AMT: variants seen among roughly 807,000 people sequenced by gnomAD.
AMT encodes aminomethyltransferase.
AMT carries 24 observed loss-of-function variants against 39.5 expected under a neutral mutation model. The observed-to-expected ratio is 0.61, with a 90% CI of 0.44 to 0.86. The LOEUF is 0.86. Among genes scored for constraint, AMT ranks in the 40% least tolerant of loss-of-function variants. The probability of loss-of-function intolerance (pLI) is 0.00; values close to 1 mark genes in which losing one functional copy is unlikely to be tolerated. For missense variants in AMT, 501 were observed against 537.0 expected (o/e 0.93, Z 0.66); for synonymous variants, 210 against 212.1 (o/e 0.99, Z 0.09).
Position 49,421,529 on chromosome 3 carries a change from A to G in AMT, c.302T>C (p.Leu101Pro). 1 of 1,614,176 alleles carries G rather than the reference A, an allele frequency of 6.2e-7. No individual in the cohort carries two copies. Among genetic ancestry groups the G allele is most frequent in the Non-Finnish European group, 8.5e-7 (1 of 1,180,030 alleles). The change falls in exon 3 of 9, where the codon CTA (leucine) becomes CCA (proline). Residue 101 changes from leucine (L) to proline (P), a missense_variant. Physicochemically the swap from Leu to Pro is moderately conservative, Grantham distance 98. Transcript: ENST00000273588. ...TAGCTCTGCAATGTCTCCAACCACT[A>G]GACTCTCCATCAGCTTCACCCGGTC... ...GSDRVKLMES[L>P]VVGDIAELRP...
At position 49,417,234 on chromosome 3, in the gene AMT, C is replaced by A; in HGVS notation, c.*306G>T. 6.4e-7 allele frequency: 1 copy of A among 1,572,566 alleles called. No homozygotes were observed. The highest frequency in any genetic ancestry group is 2.2e-5 in the East Asian group (1 of 44,710). On this transcript the variant is annotated 3_prime_UTR_variant, in exon 9 of 9. Coordinates refer to ENST00000273588, the MANE Select transcript of AMT (RefSeq NM_000481.4). ...CCTTTGCTCCACAGCCAGCACCTGGCAGAGTGGGAGAGATGGCAGAACCAA... is the reference window on the plus strand; with the variant it reads ...CCTTTGCTCCACAGCCAGCACCTGGAAGAGTGGGAGAGATGGCAGAACCAA...
At chr3:49,421,164 C>T in intron 3 of AMT, 1 of 362,452 alleles carries the variant, frequency 2.8e-6, no homozygotes, top group Non-Finnish European at 5.3e-6. Context: ...CTTGGCCTCC[C>T]CAAGTGCCAG....
At chr3:49,418,080 T>A (rs369920318) in intron 7 of AMT, 107 bp from the exon 8 acceptor site, 161 of 1,401,024 alleles carry the variant, frequency 1.1e-4, no homozygotes, top group Admixed American at 4.9e-4. Flanking sequence ...AAGGCCCCTT[T>A]GCTTGGGCTA....
At chr3:49,420,180 A>G in intron 4 of AMT, 31 bp downstream of exon 4, 1 of 1,614,062 alleles carries the variant, frequency 6.2e-7, no homozygotes, top group African/African-American at 1.3e-5. Flanking sequence ...AACAAGGAAG[A>G]CAAGGTGTCT....
Position 49,422,177 on chromosome 3 carries a change from C to A in AMT, c.185G>T (p.Arg62Leu). 1 of 1,613,978 alleles carries A rather than the reference C, an allele frequency of 6.2e-7. No homozygotes were observed. Among genetic ancestry groups the A allele is most frequent in the Non-Finnish European group, 8.5e-7 (1 of 1,180,028 alleles). ...FAGWSLPVQY[R>L]DSHTDSHLHT... The stretch of plus-strand genomic sequence containing the variant: ...CAGGTGCGAGTCAGTGTGACTGTCC[C>A]GGTACTGCACTGGCAGACTCCAACC... Residue 62 changes from arginine (R) to leucine (L), a missense_variant, in exon 2 of 9, where the codon CGG (arginine) becomes CTG (leucine). Coordinates refer to ENST00000273588, the MANE Select transcript of AMT (RefSeq NM_000481.4).
intron 4 of AMT, 35 bp from the exon 5 acceptor site, chr3:49,419,823 C>T: frequency 6.3e-7 from 1 of 1,598,464 alleles, no homozygotes; most frequent in Non-Finnish European, 8.6e-7. Flanking sequence ...TCTGGGGCCA[C>T]TTACTGAGCA....
In AMT at chr3:49,419,318, A is replaced by C. The variant is rs963795935; in HGVS notation, c.638T>G (p.Phe213Cys). 9 of 1,614,036 alleles carry C rather than the reference A, an allele frequency of 5.6e-6. No homozygotes were observed. The Admixed American group carries it at 6.7e-5, about 12-fold the overall frequency. The change falls in exon 6 of 9, where the codon TTT becomes TGT. Residue 213 changes from phenylalanine (F) to cysteine (C), a missense_variant. Physicochemically the swap from Phe to Cys is radical, Grantham distance 205. Coordinates refer to ENST00000273588, the MANE Select transcript of AMT (RefSeq NM_000481.4). ...PFMTSAVMEV[F>C]GVSGCRVTRC... The stretch of plus-strand genomic sequence containing the variant: ...GGTCACGCGGCAGCCAGACACGCCA[A>C]ACACCTCCATCACAGCACTGGTCAT...
Position 49,420,288 on chromosome 3 carries a change from CA to C in AMT, c.393del (p.Ile131MetfsTer2). On this transcript the variant is annotated frameshift_variant, in exon 4 of 9. Coordinates refer to ENST00000273588, the MANE Select transcript of AMT (RefSeq NM_000481.4). LOFTEE classifies it high-confidence loss of function. ...NEAGGILDDL[I>X]VTNTSEGHLY... The stretch of plus-strand genomic sequence containing the variant: ...AGGTGGCCCTCAGAAGTATTGGTTA[CA>C]ATCAAGTCATCTAAGATGCCTCCAG... 1 of 1,614,202 alleles carries C rather than the reference CA, an allele frequency of 6.2e-7. No homozygotes were observed. Among genetic ancestry groups the C allele is most frequent in the Non-Finnish European group, 8.5e-7 (1 of 1,180,036 alleles).
Position 49,421,417 on chromosome 3 carries a change from G to A in AMT, c.339+75C>T, listed in dbSNP as rs550725087. The A allele has an allele frequency of 9.0e-5, 108 of 1,202,516 alleles. 2 individuals are homozygous for A. The Admixed American group carries it at 1.8e-3, about 20-fold the overall frequency. The allele number at this position is 1,202,516 out of a possible 1,614,324, so 74.5% of individuals were successfully genotyped here. Reference sequence around the variant, plus strand: ...GTTTGACTCATCTCTGTGCCCCTAAGCCTGAGGTAGGGACTCAGCCCATTT... The same window carrying A: ...GTTTGACTCATCTCTGTGCCCCTAAACCTGAGGTAGGGACTCAGCCCATTT... On this transcript the variant is annotated intron_variant, in intron 3 of 8. Transcript: ENST00000273588.
At chr3:49,421,151 C>G (rs1193936177) in intron 3 of AMT, 1 of 333,492 alleles carries the variant, frequency 3.0e-6, no homozygotes, top group African/African-American at 2.1e-5. Context: ...GTGATCCACC[C>G]GCCTTGGCCT....
At chr3:49,422,054 A>G (rs1485738422) in intron 2 of AMT, 50 bp downstream of exon 2, 2 of 1,611,582 alleles carry the variant, frequency 1.2e-6, no homozygotes, top group Non-Finnish European at 8.5e-7. Flanking sequence ...GGACCACTGT[A>G]AACAGGGAGG....
At position 49,417,657 on chromosome 3, in the gene AMT, C is replaced by T. The variant is rs1367905315; in HGVS notation, c.1095G>A (p.Val365=). The change falls in exon 9 of 9, where the codon GTG becomes GTA. Residue 365 remains valine, a synonymous_variant. Transcript: ENST00000273588. ...SLKKNVAMGY[V]PCEYSRPGTM... is the part of the protein sequence containing the mutation. ...TCCCTGGACGACTGTACTCGCAGGG[C>T]ACATAACCCATCGCCACATTCTTCT... is the stretch of plus-strand genomic sequence containing the variant. 13 of 1,614,030 alleles carry T rather than the reference C, an allele frequency of 8.1e-6. No homozygotes were observed. Among genetic ancestry groups the T allele is most frequent in the South Asian group, 1.1e-5 (1 of 91,096 alleles).
chr3:49,422,041 A>T, intron 2 of AMT, 63 bp downstream of exon 2: 1 of 1,606,910 alleles, frequency 6.2e-7, no homozygotes, highest in Non-Finnish European at 8.5e-7. Context: ...AAAGCCAAGG[A>T]GTGGACCACT....
In AMT at chr3:49,419,423, G is replaced by A. The variant is rs1214221803; in HGVS notation, c.551-18C>T. On this transcript the variant is annotated intron_variant, in intron 5 of 8. Coordinates refer to ENST00000273588, the MANE Select transcript of AMT (RefSeq NM_000481.4). The stretch of plus-strand genomic sequence containing the variant: ...AGTGGGGCCTGGGCCCAGGGAGCCA[G>A]TGACCAAGTATCCAGGTCCCAGCAT... The A allele has an allele frequency of 1.2e-6, 2 of 1,613,022 alleles. No homozygotes were observed. The highest frequency in any genetic ancestry group is 1.3e-5 in the African/African-American group (1 of 75,012).
chr3:49,418,025 C>G, intron 7 of AMT, 52 bp from the exon 8 acceptor site: 1 of 1,562,484 alleles, frequency 6.4e-7, no homozygotes, highest in Non-Finnish European at 8.6e-7. Flanking sequence ...GCCCTGGCCA[C>G]AGGAGGTCCT....
Position 49,421,550 on chromosome 3 carries a change from C to T in AMT, c.281G>A (p.Arg94Gln), listed in dbSNP as rs368129012. Residue 94 changes from arginine to glutamine, a missense_variant, in exon 3 of 9, where the codon CGG becomes CAG. Arg to Gln is a conservative substitution (Grantham distance 43). Coordinates refer to ENST00000273588, the MANE Select transcript of AMT (RefSeq NM_000481.4). Reference sequence around the variant, plus strand: ...CACTAGACTCTCCATCAGCTTCACCCGGTCACTACCAAGTATCTTGGTCTG... The same window carrying T: ...CACTAGACTCTCCATCAGCTTCACCTGGTCACTACCAAGTATCTTGGTCTG... ...MLQTKILGSD[R>Q]VKLMESLVVG... 4.1e-5 allele frequency: 66 copies of T among 1,614,184 alleles called. No homozygotes were observed. Among genetic ancestry groups the T allele is most frequent in the South Asian group, 3.4e-4 (31 of 91,082 alleles).
At chr3:49,418,211 T>C (rs1219686390) in intron 7 of AMT, 2 of 550,374 alleles carry the variant, frequency 3.6e-6, no homozygotes, top group Non-Finnish European at 6.5e-6. Flanking sequence ...TGAGATGGAG[T>C]CACTCTGTCG....
At position 49,419,145 on chromosome 3, in the gene AMT, C is replaced by A. The variant is rs1231679450; in HGVS notation, c.703G>T (p.Val235Leu). 1 of 1,613,974 alleles carries A rather than the reference C, an allele frequency of 6.2e-7. No individual in the cohort carries two copies. Among genetic ancestry groups the A allele is most frequent in the Non-Finnish European group, 8.5e-7 (1 of 1,179,966 alleles). The change falls in exon 7 of 9, where the codon GTG (valine) becomes TTG (leucine). Residue 235 changes from valine (V) to leucine (L), a missense_variant. Val to Leu is a conservative substitution (Grantham distance 32). Transcript: ENST00000273588. ...AGGTGAACTGCCCCCGCTACCGGCACCGAGATCTGTATGAAACACCAGAGG... is the reference window on the plus strand; with the variant it reads ...AGGTGAACTGCCCCCGCTACCGGCAACGAGATCTGTATGAAACACCAGAGG... Reference protein sequence around the residue: ...YTGEDGVEISVPVAGAVHLAT... With the variant: ...YTGEDGVEISLPVAGAVHLAT...
chr3:49,419,815 T>C, intron 4 of AMT, 27 bp from the exon 5 acceptor site: 1 of 1,609,022 alleles, frequency 6.2e-7, no homozygotes, highest in Non-Finnish European at 8.5e-7. Context: ...CAAGAGCATC[T>C]GGGGCCACTT....
Sources: allele counts gnomAD v4.1 joint callset, GRCh38; gene constraint gnomAD v4.1.1; transcripts MANE v1.5; gene names NCBI Gene and HGNC (gene_info 2026-07-23, HGNC 2026-07-21).